The following XRN2 variants were observed in gnomAD, a reference collection of about 807,000 sequenced individuals.
XRN2 encodes 5'-3' exoribonuclease 2.
Under a neutral mutation model 138.5 loss-of-function variants are expected in XRN2, and 44 were observed. The ratio of observed to expected loss-of-function variants is 0.32; its 90% CI spans 0.25 to 0.41. The LOEUF (loss-of-function observed/expected upper bound fraction) is 0.41. Ranked by LOEUF, XRN2 falls within the 10% of genes least tolerant of loss-of-function variation. XRN2 has a pLI of 1.00. For synonymous variants in XRN2, 354 were observed against 369.4 expected (o/e 0.96, Z 0.48); for missense variants, 937 against 1,169.3 (o/e 0.80, Z 2.90).
chr20:21,366,704 T>A (rs1568593737), intron 26 of XRN2, among the ~76,000 whole-genome samples: 1 of 152,156 alleles, frequency 6.6e-6, no homozygotes, highest in Non-Finnish European at 1.5e-5. Flanking sequence ...AGAGTGGAGC[T>A]CCATCTTTAA....
At chr20:21,349,342 A>C (rs773476325) in intron 19 of XRN2, 47 bp from the exon 20 acceptor site, 25 of 1,218,744 alleles carry the variant, frequency 2.1e-5, no homozygotes, top group Non-Finnish European at 3.0e-5. Flanking sequence ...TTTATAACAG[A>C]GATGTGTGAC....
intron 1 of XRN2, among the ~76,000 whole-genome samples, chr20:21,313,455 A>G (rs978378446): frequency 1.3e-5 from 2 of 152,228 alleles, no homozygotes; most frequent in Non-Finnish European, 2.9e-5. Context: ...CAGTGAGTAG[A>G]CATATTTGCA....
chr20:21,346,586 A>G, intron 17 of XRN2, 36 bp downstream of exon 17: 2 of 1,588,438 alleles, frequency 1.3e-6, no homozygotes, highest in Admixed American at 1.8e-5. Context: ...ATTTGTAGTT[A>G]ATCATTTAAG....
intron 28 of XRN2, among the ~76,000 whole-genome samples, chr20:21,383,018 T>C (rs1428542555): frequency 6.6e-6 from 1 of 152,230 alleles, no homozygotes; most frequent in East Asian, 1.9e-4. Flanking sequence ...TTTTTATAAA[T>C]GGGATTCTAA....
intron 19 of XRN2, 91 bp downstream of exon 19, chr20:21,348,521 A>G: frequency 1.7e-6 from 2 of 1,178,350 alleles, no homozygotes; most frequent in East Asian, 2.4e-5. Context: ...CTGATAGTTA[A>G]AACAGTGAAG....
chr20:21,377,264 C>CTTTTTTTTTTTTTTTTTTTTTTTT lies in XRN2; in HGVS notation c.2585-4716_2585-4715insTTTTTTTTTTTTTTTTTTTTTTTT, dbSNP rs761622310. Among the ~76,000 whole-genome samples, 171 of 82,762 alleles carry CTTTTTTTTTTTTTTTTTTTTTTTT rather than the reference C, an allele frequency of 2.1e-3. 34 individuals carry two copies. The highest frequency in any genetic ancestry group is 4.4e-3 in the African/African-American group (83 of 18,676). 54.3% of individuals were successfully genotyped at this position (82,762 alleles called of 152,430 possible). On this transcript the variant is annotated intron_variant, in intron 27 of 29. Transcript: ENST00000377191. ...CCAACATATGATTTGTCGGTTTTTT[C>CTTTTTTTTTTTTTTTTTTTTTTTT]TTTTTTTTTTTTTTGGTCAGTCTTG...
chr20:21,330,705 A>G lies in XRN2; in HGVS notation c.576A>G (p.Thr192=). The change falls in exon 6 of 30, where the codon ACA becomes ACG. Residue 192 remains threonine, a splice_region_variant and synonymous_variant. Transcript: ENST00000377191. ...LNNDPGWKNL[T]VILSDASAPG... ...ATGACCCTGGGTGGAAAAATTTGAC[A>G]GTAAGTTTCACATTTTGATACTTCA... is the stretch of plus-strand genomic sequence containing the variant. 1.2e-6 allele frequency: 2 copies of G among 1,611,410 alleles called. No homozygotes were observed. The highest frequency in any genetic ancestry group is 1.7e-6 in the Non-Finnish European group (2 of 1,179,270).
intron 1 of XRN2, among the ~76,000 whole-genome samples, chr20:21,310,323 T>G (rs1441865371): frequency 1.3e-5 from 2 of 152,244 alleles, no homozygotes; most frequent in Admixed American, 1.3e-4. Flanking sequence ...CTGTTGAAGT[T>G]TATCAGACTG....
intron 1 of XRN2, among the ~76,000 whole-genome samples, chr20:21,320,744 AC>A (rs1324605218): frequency 1.3e-5 from 2 of 151,858 alleles, no homozygotes; most frequent in East Asian, 3.9e-4. Flanking sequence ...ACAGGCATGC[AC>A]CACCACACCT....
At chr20:21,340,681 G>T in intron 14 of XRN2, 40 bp from the exon 15 acceptor site, 1 of 1,600,124 alleles carries the variant, frequency 6.2e-7, no homozygotes, top group South Asian at 1.1e-5. Flanking sequence ...ACTGTGTTGT[G>T]ATTTAATTTT....
intron 14 of XRN2, among the ~76,000 whole-genome samples, 157 bp downstream of exon 14, chr20:21,339,245 G>A (rs550147843): frequency 2.0e-5 from 3 of 152,314 alleles, no homozygotes; most frequent in Middle Eastern, 3.4e-3. Context: ...AAGAACACTG[G>A]TGTCGATTTA....
intron 1 of XRN2, among the ~76,000 whole-genome samples, chr20:21,305,492 TG>T (rs201739047): frequency 0.015 from 964 of 63,136 alleles, 9 homozygotes; most frequent in South Asian, 0.027. Context: ...TGACCTCAGG[TG>T]ATCCGCCTGC....
chr20:21,348,970 C>T (rs1011534439), intron 19 of XRN2, among the ~76,000 whole-genome samples: 1 of 152,024 alleles, frequency 6.6e-6, no homozygotes, highest in African/African-American at 2.4e-5. Flanking sequence ...CTCTGGCTAC[C>T]TGTAAGTCTT....
chr20:21,368,376 A>C, intron 26 of XRN2, 87 bp from the exon 27 acceptor site: 1 of 1,521,104 alleles, frequency 6.6e-7, no homozygotes, highest in East Asian at 2.3e-5. Context: ...AGACGTGGCT[A>C]TGAGCATTTG....
intron 5 of XRN2, 31 bp from the exon 6 acceptor site, chr20:21,330,585 T>C: frequency 6.2e-7 from 1 of 1,613,602 alleles, no homozygotes; most frequent in Non-Finnish European, 8.5e-7. Context: ...TCTTAAATGA[T>C]AGGTTAATTT....
At chr20:21,367,551 G>C (rs1388280401) in intron 26 of XRN2, among the ~76,000 whole-genome samples, 1 of 150,766 alleles carries the variant, frequency 6.6e-6, no homozygotes, top group Admixed American at 6.6e-5. Flanking sequence ...ATATACTTGT[G>C]AACTTTACCG....
chr20:21,304,270 G>T (rs1417718718), intron 1 of XRN2, among the ~76,000 whole-genome samples: 3 of 151,274 alleles, frequency 2.0e-5, no homozygotes, highest in African/African-American at 7.3e-5. Context: ...GATTGGAAAC[G>T]TTCAGAGGCA....
At chr20:21,330,410 G>T (rs2038190959) in intron 4 of XRN2, 71 bp from the exon 5 acceptor site, 5 of 1,528,558 alleles carry the variant, frequency 3.3e-6, no homozygotes, top group African/African-American at 2.8e-5. Flanking sequence ...TGTTTTTGTT[G>T]TTCTGGCTTA....
intron 29 of XRN2, among the ~76,000 whole-genome samples, chr20:21,388,324 C>G (rs976184115): frequency 2.0e-5 from 3 of 152,176 alleles, no homozygotes; most frequent in South Asian, 2.1e-4. Flanking sequence ...AGGTAAAATT[C>G]TTATTTACTT....
Sources: gnomAD v4.1 joint callset for allele counts (sites outside exome capture counted in the v4.1 genomes callset) on GRCh38, gnomAD v4.1.1 for gene constraint, MANE v1.5 for transcripts, NCBI Gene and HGNC (gene_info 2026-07-23, HGNC 2026-07-21) for gene names.